Variants in GULP1 observed in about 807,000 individuals in gnomAD.
The protein encoded by GULP1 is GULP PTB domain containing engulfment adaptor 1.
A neutral mutation model predicts 40.9 loss-of-function variants in GULP1; 19 were observed. The observed-to-expected ratio is 0.46, with a 90% confidence interval of 0.32 to 0.68. The LOEUF is 0.68. Among genes scored for constraint, GULP1 ranks in the 30% least tolerant of loss-of-function variants. The probability of loss-of-function intolerance (pLI) is 0.03; values close to 1 mark genes in which losing one functional copy is unlikely to be tolerated. For synonymous variants in GULP1, 119 were observed against 117.6 expected (o/e 1.01, Z -0.08); for missense variants, 312 against 362.2 (o/e 0.86, Z 1.12).
At chr2:188,293,776 T>A (rs1055972785) in intron 1 of GULP1, 4 of 152,060 alleles carry the variant, frequency 2.6e-5, no homozygotes, top group Non-Finnish European at 4.4e-5. Context: ...TTTTTACGAC[T>A]GACAAGGAAA....
chr2:188,320,926 A>C (rs1191288493), intron 1 of GULP1, among the ~76,000 whole-genome samples: 3 of 151,334 alleles, frequency 2.0e-5, no homozygotes, highest in East Asian at 1.9e-4. Flanking sequence ...AAAAAAAAAA[A>C]CACCTACAAA....
At chr2:188,425,307 C>G (rs998694864) in intron 2 of GULP1, among the ~76,000 whole-genome samples, 2 of 152,078 alleles carry the variant, frequency 1.3e-5, no homozygotes, top group African/African-American at 4.8e-5. Context: ...TGGATTTAGA[C>G]ATACTTGACA....
At chr2:188,436,931 C>T (rs2057461540) in intron 2 of GULP1, among the ~76,000 whole-genome samples, 1 of 152,010 alleles carries the variant, frequency 6.6e-6, no homozygotes, top group South Asian at 2.1e-4. Context: ...TACATAAAAA[C>T]AATAAAATGC....
intron 1 of GULP1, among the ~76,000 whole-genome samples, chr2:188,326,014 G>A (rs1030465662): frequency 6.6e-6 from 1 of 152,034 alleles, no homozygotes; most frequent in Non-Finnish European, 1.5e-5. Flanking sequence ...GAAGAATTGT[G>A]TTTATTACTT....
chr2:188,368,952 T>G, intron 1 of GULP1, among the ~76,000 whole-genome samples: 1 of 116,236 alleles, frequency 8.6e-6, no homozygotes, highest in Non-Finnish European at 1.6e-5. Flanking sequence ...TATATATATA[T>G]ATATATATAT....
At chr2:188,375,176 G>T (rs1402827840) in intron 1 of GULP1, among the ~76,000 whole-genome samples, 1 of 152,058 alleles carries the variant, frequency 6.6e-6, no homozygotes, top group Non-Finnish European at 1.5e-5. Flanking sequence ...GGTACAGAAG[G>T]TATTCCAGAT....
Position 188,374,675 on chromosome 2 carries a change from A to G in GULP1, c.-171-9088A>G, listed in dbSNP as rs568119875. On this transcript the variant is annotated intron_variant, in intron 1 of 11. Transcript: ENST00000409830. ...TCCCACTCATAAGTGAATAATTACTATTAGGATCATGGTACTGCCATTGAC... is the reference window on the plus strand; with the variant it reads ...TCCCACTCATAAGTGAATAATTACTGTTAGGATCATGGTACTGCCATTGAC... Among the ~76,000 whole-genome samples the G allele has an allele frequency of 1.3e-3, 200 of 152,120 alleles. 1 individual carries two copies. The highest frequency in any genetic ancestry group is 4.3e-3 in the African/African-American group (179 of 41,504).
chr2:188,434,208 C>T (rs1202325281), intron 2 of GULP1, among the ~76,000 whole-genome samples: 2 of 151,842 alleles, frequency 1.3e-5, no homozygotes, highest in Admixed American at 1.3e-4. Context: ...CTTCAGTTGT[C>T]TTCTACCATA....
intron 9 of GULP1, among the ~76,000 whole-genome samples, chr2:188,570,502 A>T (rs1199031865): frequency 6.6e-6 from 1 of 152,178 alleles, no homozygotes; most frequent in Non-Finnish European, 1.5e-5. Context: ...CATTGTAGGA[A>T]TTCAACTGTG....
chr2:188,590,528 C>A (rs1020100117), intron 11 of GULP1: 5 of 152,100 alleles, frequency 3.3e-5, no homozygotes, highest in Admixed American at 3.3e-4. Context: ...AGTATTGTGA[C>A]TAAGCTATTT....
At chr2:188,588,380 T>C (rs1330964973) in intron 11 of GULP1, 1 of 168,900 alleles carries the variant, frequency 5.9e-6, no homozygotes, top group Non-Finnish European at 1.3e-5. Flanking sequence ...GCATTGTAGC[T>C]GTAGTTCATA....
intron 9 of GULP1, among the ~76,000 whole-genome samples, chr2:188,578,040 G>T (rs1024151756): frequency 3.3e-5 from 5 of 151,466 alleles, no homozygotes. Flanking sequence ...ATAGAATTTT[G>T]AACCCTGCCA....
chr2:188,579,454 T>C (rs943808264), intron 9 of GULP1, among the ~76,000 whole-genome samples: 1 of 152,118 alleles, frequency 6.6e-6, no homozygotes, highest in African/African-American at 2.4e-5. Context: ...GATATTTTGA[T>C]ACCTGCACAC....
intron 2 of GULP1, 44 bp from the exon 3 acceptor site, chr2:188,477,615 C>A: frequency 5.0e-6 from 5 of 997,834 alleles, no homozygotes; most frequent in East Asian, 2.6e-5. Context: ...AGAGGTCAGT[C>A]AACAGTCCTT....
intron 2 of GULP1, among the ~76,000 whole-genome samples, chr2:188,420,284 T>C (rs183852550): frequency 2.5e-4 from 38 of 152,344 alleles, no homozygotes; most frequent in African/African-American, 7.7e-4. Flanking sequence ...AGTATGAATA[T>C]TTTAACAATA....
intron 1 of GULP1, among the ~76,000 whole-genome samples, chr2:188,303,573 A>G (rs1238781574): frequency 3.9e-5 from 6 of 152,204 alleles, no homozygotes; most frequent in African/African-American, 1.4e-4. Context: ...CAACCAGGTC[A>G]TTGGTCAAGA....
intron 11 of GULP1, chr2:188,589,990 CAG>C (rs1703198099): frequency 4.2e-6 from 1 of 237,576 alleles, no homozygotes. Context: ...TTTTTTGAGG[CAG>C]AGTCTCACTC....
At chr2:188,477,611 C>A in intron 2 of GULP1, 48 bp from the exon 3 acceptor site, 1 of 893,320 alleles carries the variant, frequency 1.1e-6, no homozygotes, top group Non-Finnish European at 1.8e-6. Flanking sequence ...AAAGAGAGGT[C>A]AGTCAACAGT....
At chr2:188,477,574 G>C (rs2061113958) in intron 2 of GULP1, 85 bp from the exon 3 acceptor site, 1 of 675,744 alleles carries the variant, frequency 1.5e-6, no homozygotes, top group African/African-American at 1.9e-5. Context: ...AATTTAAAAA[G>C]CCTTTATAAT....
Sources: gnomAD v4.1 joint callset for allele counts (sites outside exome capture counted in the v4.1 genomes callset) on GRCh38, gnomAD v4.1.1 for gene constraint, MANE v1.5 for transcripts, NCBI Gene and HGNC (gene_info 2026-07-23, HGNC 2026-07-21) for gene names.